Variants in PARD3B observed in about 807,000 individuals in gnomAD.
PARD3B encodes par-3 family cell polarity regulator beta, also known as partitioning defective 3 homolog B.
Under a neutral mutation model 130.2 loss-of-function variants are expected in PARD3B, and 103 were observed. The ratio of observed to expected loss-of-function variants is 0.79; its 90% confidence interval spans 0.67 to 0.93. PARD3B has a LOEUF of 0.93. PARD3B is among the 40% of genes least tolerant of loss of function. The pLI is 0.00. For missense variants in PARD3B, 1,609 were observed against 1,499.2 expected, an observed-to-expected ratio of 1.07 and a Z score of -1.21; for synonymous variants, 583 against 553.2, an observed-to-expected ratio of 1.05 and a Z score of -0.76.
chr2:205,245,709 T>C (rs1338390630), intron 15 of PARD3B, 69 bp from the exon 16 acceptor site: 3 of 1,252,680 alleles, frequency 2.4e-6, no homozygotes, highest in Non-Finnish European at 1.2e-6. Flanking sequence ...TCTGCATTAA[T>C]TTACTGTTTA....
At chr2:204,883,138 G>A (rs1474824652) in intron 2 of PARD3B, among the ~76,000 whole-genome samples, 1 of 151,794 alleles carries the variant, frequency 6.6e-6, no homozygotes, top group Non-Finnish European at 1.5e-5. Flanking sequence ...AATGGTTGTT[G>A]AATCACCATG....
chr2:205,276,654 T>G lies in PARD3B; in HGVS notation c.2186-23876T>G, dbSNP rs2040961938. Among the ~76,000 whole-genome samples, 1 of 152,162 alleles carries G rather than the reference T, an allele frequency of 6.6e-6. No individual in the cohort carries two copies. Among genetic ancestry groups the G allele is most frequent in the African/African-American group, 2.4e-5 (1 of 41,444 alleles). ...AGCTCCAAAGTGGCTTGCAGCGCTTTATCAGCCGACATTTACACAGAAACT... is the reference window on the plus strand; with the variant it reads ...AGCTCCAAAGTGGCTTGCAGCGCTTGATCAGCCGACATTTACACAGAAACT... On this transcript the variant is annotated intron_variant, in intron 16 of 22. Coordinates refer to ENST00000406610, the MANE Select transcript of PARD3B (RefSeq NM_001302769.2). This position sits in a 1 kb window ranked among gnomAD's most constrained non-coding sequence, Gnocchi z 5.0.
At chr2:204,659,810 A>G (rs2035743940) in intron 1 of PARD3B, among the ~76,000 whole-genome samples, 1 of 152,198 alleles carries the variant, frequency 6.6e-6, no homozygotes, top group South Asian at 2.1e-4. Flanking sequence ...TTGAAATAAC[A>G]TTAATCTGTC....
intron 2 of PARD3B, among the ~76,000 whole-genome samples, chr2:204,863,390 C>A (rs992909429): frequency 7.2e-5 from 11 of 152,170 alleles, no homozygotes; most frequent in African/African-American, 2.4e-4. Context: ...TGGTTTGAGA[C>A]CCCCACAACC....
chr2:204,937,326 A>G (rs1234112620), intron 2 of PARD3B, among the ~76,000 whole-genome samples: 2 of 152,150 alleles, frequency 1.3e-5, no homozygotes, highest in African/African-American at 2.4e-5. Flanking sequence ...TCTGACACCC[A>G]TTCAGCTTGG....
At chr2:204,847,459 G>C (rs2044510494) in intron 2 of PARD3B, among the ~76,000 whole-genome samples, 1 of 152,054 alleles carries the variant, frequency 6.6e-6, no homozygotes, top group Admixed American at 6.6e-5. Context: ...TTTATCTATA[G>C]CTTCATTTTC....
chr2:204,710,823 T>C (rs921475145), intron 2 of PARD3B, among the ~76,000 whole-genome samples: 5 of 152,214 alleles, frequency 3.3e-5, no homozygotes, highest in African/African-American at 1.2e-4. Context: ...GTCTTCTCTC[T>C]AATTGCTGTC....
chr2:205,193,689 T>A lies in PARD3B; in HGVS notation c.2140+369T>A, dbSNP rs574429798. 2.0e-5 allele frequency among the ~76,000 whole-genome samples: 3 copies of A among 152,326 alleles called. No individual in the cohort carries two copies. The South Asian group carries it at 6.2e-4, about 32-fold the overall frequency. ...CATTTCCACTCTGTGCGGGCATACC[T>A]GTTGCAGAGCCTGGGAAAATCATGT... On this transcript the variant is annotated intron_variant, in intron 15 of 22. Transcript: ENST00000406610.
intron 2 of PARD3B, among the ~76,000 whole-genome samples, chr2:204,861,219 C>G (rs1045568348): frequency 8.2e-6 from 1 of 121,914 alleles, no homozygotes; most frequent in African/African-American, 3.0e-5. Flanking sequence ...TCTCTCGTAC[C>G]TCTTATTTGA....
chr2:205,104,133 C>T (rs1399817680), intron 4 of PARD3B, among the ~76,000 whole-genome samples: 6 of 152,192 alleles, frequency 3.9e-5, no homozygotes, highest in Admixed American at 1.3e-4. Flanking sequence ...TGGTTTAAAA[C>T]ACTCAATCCC....
At chr2:205,612,460 A>C (rs1008380916) in intron 22 of PARD3B, among the ~76,000 whole-genome samples, 20 of 152,176 alleles carry the variant, frequency 1.3e-4, no homozygotes, top group African/African-American at 4.3e-4. Flanking sequence ...TTTTTTTAAT[A>C]ATTTAAAATA....
At chr2:205,573,663 G>T (rs2053638347) in intron 22 of PARD3B, among the ~76,000 whole-genome samples, 3 of 152,156 alleles carry the variant, frequency 2.0e-5, no homozygotes. Context: ...CCAAACTGAG[G>T]TTCTATCATT....
chr2:204,805,573 T>A (rs998940019), intron 2 of PARD3B, among the ~76,000 whole-genome samples: 3 of 152,096 alleles, frequency 2.0e-5, no homozygotes, highest in African/African-American at 7.2e-5. Flanking sequence ...GAGGCCAATA[T>A]TGCCCTGATA....
intron 2 of PARD3B, among the ~76,000 whole-genome samples, chr2:204,849,132 G>A (rs1452573739): frequency 6.6e-6 from 1 of 152,000 alleles, no homozygotes; most frequent in Non-Finnish European, 1.5e-5. Context: ...TAGAAGAAGT[G>A]GCTATTGGAA....
At chr2:205,557,353 C>A (rs2052935680) in intron 22 of PARD3B, among the ~76,000 whole-genome samples, 1 of 152,178 alleles carries the variant, frequency 6.6e-6, no homozygotes, top group African/African-American at 2.4e-5. Flanking sequence ...CCGTTAAGTT[C>A]TACGAAGATG....
At chr2:205,448,428 C>T (rs531003105) in intron 20 of PARD3B, among the ~76,000 whole-genome samples, 1 of 152,150 alleles carries the variant, frequency 6.6e-6, no homozygotes, top group African/African-American at 2.4e-5. Context: ...ACTTAAGTTG[C>T]TATCAAACAA....
chr2:205,370,718 T>C lies in PARD3B; in HGVS notation c.2631-30295T>C, dbSNP rs2044780979. Among the ~76,000 whole-genome samples the C allele has an allele frequency of 1.3e-5, 2 of 152,238 alleles. 1 individual carries two copies. The highest frequency in any genetic ancestry group is 4.1e-4 in the South Asian group (2 of 4,830). On this transcript the variant is annotated intron_variant, in intron 18 of 22. Coordinates refer to ENST00000406610, the MANE Select transcript of PARD3B (RefSeq NM_001302769.2). ...CTGAATCCGAGCTGTTATTTAAGAATTTCTGAAAGTATCGACAGATGACAG... is the reference window on the plus strand; with the variant it reads ...CTGAATCCGAGCTGTTATTTAAGAACTTCTGAAAGTATCGACAGATGACAG...
intron 2 of PARD3B, among the ~76,000 whole-genome samples, chr2:204,847,825 A>G (rs978106217): frequency 1.3e-5 from 2 of 152,164 alleles, no homozygotes; most frequent in African/African-American, 2.4e-5. Context: ...GAAAGTTCTC[A>G]ACTTAATAAG....
chr2:205,494,500 G>T (rs1383802150), intron 20 of PARD3B, among the ~76,000 whole-genome samples: 1 of 152,122 alleles, frequency 6.6e-6, no homozygotes, highest in African/African-American at 2.4e-5. Flanking sequence ...CTCTACATAA[G>T]CCTGTTAGAG....
Sources: gnomAD v4.1 joint callset for allele counts (sites outside exome capture counted in the v4.1 genomes callset) on GRCh38, gnomAD v4.1.1 for gene constraint, Gnocchi (gnomAD v3.1) non-coding constraint, MANE v1.5 for transcripts, NCBI Gene and HGNC (gene_info 2026-07-23, HGNC 2026-07-21) for gene names.